The following LETM1 variants were observed in gnomAD, a reference collection of about 807,000 sequenced individuals.
The protein encoded by LETM1 is mitochondrial proton/calcium exchanger protein.
Under a neutral mutation model 74.5 loss-of-function variants are expected in LETM1, and 50 were observed. That is an observed-to-expected ratio of 0.67 (90% CI 0.53 to 0.85). The LOEUF (loss-of-function observed/expected upper bound fraction) is 0.85. Ranked by LOEUF, LETM1 falls within the 40% of genes least tolerant of loss-of-function variation. The pLI is 0.00. For synonymous variants in LETM1, 446 were observed against 407.1 expected, an observed-to-expected ratio of 1.10 and a Z score of -1.15; for missense variants, 824 against 967.8, an observed-to-expected ratio of 0.85 and a Z score of 1.97.
At position 1,820,187 on chromosome 4, in the gene LETM1, C is replaced by T. The variant is rs569752874; in HGVS notation, c.1609-715G>A. Among the ~76,000 whole-genome samples the T allele has an allele frequency of 2.6e-5, 4 of 152,346 alleles. No individual in the cohort carries two copies. The South Asian group carries it at 6.2e-4, about 24-fold the overall frequency. ...CTGGACTCAGACGATCCTCCCACCT[C>T]GGCTTCCCACAGTGCTGATATCACA... On this transcript the variant is annotated intron_variant, in intron 10 of 13. Transcript: ENST00000302787.
In LETM1 at chr4:1,816,911, A is replaced by G. The variant is rs1711587519; in HGVS notation, c.1747T>C (p.Leu583=). ...GAAAGTTCCTTCTTGATCTCCTGCA[A>G]GTCCTAATAAAATTATTTTGGTTGT... is the stretch of plus-strand genomic sequence containing the variant. The part of the protein sequence containing the change: ...KEDVQDYSED[L]QEIKKELSKT... Residue 583 remains leucine (L), a synonymous_variant, in exon 12 of 14, where the codon TTG becomes CTG. Coordinates refer to ENST00000302787, the MANE Select transcript of LETM1 (RefSeq NM_012318.3). 6.2e-7 allele frequency: 1 copy of G among 1,608,652 alleles called. No individual in the cohort carries two copies. The highest frequency in any genetic ancestry group is 8.5e-7 in the Non-Finnish European group (1 of 1,176,446).
intron 3 of LETM1, chr4:1,839,349 G>C (rs1196352916): frequency 6.6e-6 from 1 of 152,272 alleles, no homozygotes; most frequent in African/African-American, 2.4e-5. Flanking sequence ...AGTTAAGACA[G>C]AAAGGGCCTG....
intron 9 of LETM1, 167 bp downstream of exon 9, chr4:1,822,821 C>T (rs1711832976): frequency 1.7e-6 from 1 of 579,032 alleles, no homozygotes; most frequent in Non-Finnish European, 2.6e-6. Flanking sequence ...AGTTGCAGCC[C>T]TCACACCCGG....
chr4:1,850,319 G>A lies in LETM1; in HGVS notation c.83-1110C>T, dbSNP rs539516481. Among the ~76,000 whole-genome samples the A allele has an allele frequency of 9.9e-5, 15 of 152,204 alleles. No individual in the cohort carries two copies. The South Asian group carries it at 3.1e-3, about 32-fold the overall frequency. On this transcript the variant is annotated intron_variant, in intron 1 of 13. Transcript: ENST00000302787. ...TCAAAGTAGTCCTAAAAAAAGATGG[G>A]AAGCCTCAAGTAGATCCTGACTCCA...
At chr4:1,851,855 T>C (rs1292974732) in intron 1 of LETM1, among the ~76,000 whole-genome samples, 1 of 152,106 alleles carries the variant, frequency 6.6e-6, no homozygotes, top group Non-Finnish European at 1.5e-5. Flanking sequence ...GACCCTACCT[T>C]CTCTCTAACA....
Position 1,855,863 on chromosome 4 carries a change from G to A in LETM1, c.82+6C>T, listed in dbSNP as rs1332051411. The stretch of plus-strand genomic sequence containing the variant: ...CCGGCCCCGCCCTGGGGTGCCCGCC[G>A]CTTACCCCGCGGGACGGTGTACCGA... On this transcript the variant is annotated splice_donor_region_variant and intron_variant, in intron 1 of 13. Coordinates refer to ENST00000302787, the MANE Select transcript of LETM1 (RefSeq NM_012318.3). 2.1e-5 allele frequency: 26 copies of A among 1,228,082 alleles called. 1 individual carries two copies. The highest frequency in any genetic ancestry group is 6.8e-5 in the East Asian group (2 of 29,358). 76.1% of individuals were successfully genotyped at this position (1,228,082 alleles called of 1,614,324 possible). A position where few individuals can be genotyped will look rare whatever the true frequency, so the allele number is the denominator to read the frequency against.
chr4:1,817,058 C>T (rs1711593007), intron 11 of LETM1, 144 bp from the exon 12 acceptor site: 1 of 619,018 alleles, frequency 1.6e-6, no homozygotes, highest in Admixed American at 3.0e-5. Context: ...CCAGCCTGGC[C>T]AATGTGGTGA....
Position 1,832,879 on chromosome 4 carries a change from C to G in LETM1, c.945G>C (p.Glu315Asp), listed in dbSNP as rs1712326150. The change falls in exon 6 of 14, where the codon GAG becomes GAC. Residue 315 changes from glutamate to aspartate, a missense_variant. By Grantham distance (45) the Glu-to-Asp change is conservative. Coordinates refer to ENST00000302787, the MANE Select transcript of LETM1 (RefSeq NM_012318.3). ...GCCGTGTCAGGTTGTCCAGGGTCAG[C>G]TCATCCTCAAATAATTTGGAAAAAC... ...IMRFSKLFED[E>D]LTLDNLTRPQ... is the part of the protein sequence containing the mutation. 6.2e-7 allele frequency: 1 copy of G among 1,613,594 alleles called. No homozygotes were observed. Among genetic ancestry groups the G allele is most frequent in the Admixed American group, 1.7e-5 (1 of 59,998 alleles).
chr4:1,816,518 C>T (rs774087315), intron 12 of LETM1, among the ~76,000 whole-genome samples: 1 of 152,030 alleles, frequency 6.6e-6, no homozygotes, highest in Non-Finnish European at 1.5e-5. Context: ...GGAAGAGGGG[C>T]CAGGAAGGGA....
intron 13 of LETM1, 82 bp from the exon 14 acceptor site, chr4:1,814,655 C>A (rs570688485): frequency 1.6e-6 from 2 of 1,265,724 alleles, no homozygotes; most frequent in East Asian, 2.4e-5. Flanking sequence ...CGCCGTCAGT[C>A]GCCCCAGCTG....
rs1361936583 is a variant in LETM1, at chr4:1,822,048, C to T, written c.1608+133G>A. The T allele has an allele frequency of 9.5e-6, 9 of 944,306 alleles. No homozygotes were observed. In the East Asian group the frequency reaches 2.4e-4, roughly 25 times the overall value. 58.5% of individuals were successfully genotyped at this position (944,306 alleles called of 1,614,324 possible). On this transcript the variant is annotated intron_variant, in intron 10 of 13. Coordinates refer to ENST00000302787, the MANE Select transcript of LETM1 (RefSeq NM_012318.3). ...GGGGCCCAGTGGCCTCATCCTCAAC[C>T]CCTTGCACCATCTCCTCTCACTGAG... is the stretch of plus-strand genomic sequence containing the variant.
At chr4:1,835,616 C>T (rs1712440159) in intron 4 of LETM1, among the ~76,000 whole-genome samples, 1 of 152,208 alleles carries the variant, frequency 6.6e-6, no homozygotes, top group African/African-American at 2.4e-5. Context: ...TGGTGCCTCA[C>T]AGACAAGACA....
chr4:1,822,031 G>A, intron 10 of LETM1, 150 bp downstream of exon 10: 1 of 758,834 alleles, frequency 1.3e-6, no homozygotes, highest in Non-Finnish European at 1.9e-6. Context: ...TAGGGGCCCA[G>A]TGGCCTCATC....
In LETM1 at chr4:1,849,199, C is replaced by T; in HGVS notation, c.93G>A (p.Gly31=). 3 of 1,611,818 alleles carry T rather than the reference C, an allele frequency of 1.9e-6. No individual in the cohort carries two copies. The South Asian group carries it at 3.3e-5, about 18-fold the overall frequency. ...PRYTVPRGSP[G]DPAHLSCAST... is the part of the protein sequence containing the mutation. The stretch of plus-strand genomic sequence containing the variant: ...TGGCACAGCTGAGATGAGCAGGATC[C>T]CCTGGACTACCTGTAACAGGAACAG... The change falls in exon 2 of 14, where the codon GGG becomes GGA. Residue 31 remains glycine, a synonymous_variant. Transcript: ENST00000302787.
Position 1,855,412 on chromosome 4 carries a change from C to G in LETM1, c.82+457G>C, listed in dbSNP as rs566530246. ...CACCACAGGGGTTTGTAGGTGCTGG[C>G]ATCACCTCATCAGTGACGGACCAGG... is the stretch of plus-strand genomic sequence containing the variant. On this transcript the variant is annotated intron_variant, in intron 1 of 13. Transcript: ENST00000302787. Among the ~76,000 whole-genome samples, 3 of 152,274 alleles carry G rather than the reference C, an allele frequency of 2.0e-5. No homozygotes were observed. In the East Asian group the frequency reaches 5.8e-4, roughly 29 times the overall value.
intron 11 of LETM1, among the ~76,000 whole-genome samples, chr4:1,818,321 A>G (rs1165816309): frequency 6.6e-6 from 1 of 152,158 alleles, no homozygotes; most frequent in Non-Finnish European, 1.5e-5. Flanking sequence ...TTTTTAAAAA[A>G]TCGTATTAGG....
At position 1,832,856 on chromosome 4, in the gene LETM1, C is replaced by T. The variant is rs376341002; in HGVS notation, c.968G>A (p.Arg323Gln). 2.7e-5 allele frequency: 44 copies of T among 1,613,820 alleles called. No homozygotes were observed. The highest frequency in any genetic ancestry group is 6.7e-5 in the Admixed American group (4 of 60,004). Residue 323 changes from arginine to glutamine, a missense_variant, in exon 6 of 14, where the codon CGG (arginine) becomes CAG (glutamine). By Grantham distance (43) the Arg-to-Gln change is conservative. This residue lies in a region of LETM1 where 269 missense variants were observed against 348.8 expected (regional missense o/e 0.77). Coordinates refer to ENST00000302787, the MANE Select transcript of LETM1 (RefSeq NM_012318.3). ...CTTGCACAGGGCCACCAGCTGCGGC[C>T]GTGTCAGGTTGTCCAGGGTCAGCTC... ...EDELTLDNLT[R>Q]PQLVALCKLL...
chr4:1,817,443 G>C (rs1711608823), intron 11 of LETM1, among the ~76,000 whole-genome samples: 1 of 150,978 alleles, frequency 6.6e-6, no homozygotes, highest in Non-Finnish European at 1.5e-5. Flanking sequence ...CACCTGTAGT[G>C]CCAGCTACCC....
chr4:1,823,706 G>C lies in LETM1; in HGVS notation c.1270C>G (p.Pro424Ala). The change falls in exon 8 of 14, where the codon CCG (proline) becomes GCG (alanine). Residue 424 changes from proline to alanine, a missense_variant. Transcript: ENST00000302787. Reference sequence around the variant, plus strand: ...TGGTCGGCTGGAGAGAGGGTGTCCGGGAGGTACATGGCCCGGGACAGGATG... The same window carrying C: ...TGGTCGGCTGGAGAGAGGGTGTCCGCGAGGTACATGGCCCGGGACAGGATG... Reference protein sequence around the residue: ...LLILSRAMYLPDTLSPADQLK... With the variant: ...LLILSRAMYLADTLSPADQLK... 6.2e-7 allele frequency: 1 copy of C among 1,614,022 alleles called. No homozygotes were observed. Among genetic ancestry groups the C allele is most frequent in the Non-Finnish European group, 8.5e-7 (1 of 1,179,986 alleles).
Sources: gnomAD v4.1 joint callset for allele counts (sites outside exome capture counted in the v4.1 genomes callset) on GRCh38, gnomAD v4.1.1 for gene constraint, gnomAD v4.1.1 regional missense constraint, MANE v1.5 for transcripts, NCBI Gene and HGNC (gene_info 2026-07-23, HGNC 2026-07-21) for gene names.